Variants in TFAP2D observed in about 807,000 individuals in gnomAD.
The protein encoded by TFAP2D is transcription factor AP-2-delta.
A neutral mutation model predicts 43.6 loss-of-function variants in TFAP2D; 9 were observed. The ratio of observed to expected loss-of-function variants is 0.21; its 90% CI spans 0.12 to 0.36. TFAP2D has a LOEUF of 0.36. TFAP2D is among the 10% of genes least tolerant of loss of function. The probability of loss-of-function intolerance (pLI) is 1.00; values close to 1 mark genes in which losing one functional copy is unlikely to be tolerated. For missense variants in TFAP2D, 513 were observed against 561.4 expected, an observed-to-expected ratio of 0.91 and a Z score of 0.87; for synonymous variants, 256 against 224.9, an observed-to-expected ratio of 1.14 and a Z score of -1.24.
chr6:50,762,311 G>C (rs1769373968), intron 7 of TFAP2D, among the ~76,000 whole-genome samples: 1 of 152,060 alleles, frequency 6.6e-6, no homozygotes, highest in South Asian at 2.1e-4. Context: ...TGGTCAAGAA[G>C]AAGATGCCAT....
chr6:50,743,194 G>C (rs958007211), intron 5 of TFAP2D, among the ~76,000 whole-genome samples: 7 of 152,054 alleles, frequency 4.6e-5, no homozygotes, highest in Non-Finnish European at 1.0e-4. Context: ...ACGTGCCATT[G>C]CTCATGTGAA....
At chr6:50,719,189 T>C (rs1768675900) in intron 3 of TFAP2D, 39 bp downstream of exon 3, 1 of 1,590,552 alleles carries the variant, frequency 6.3e-7, no homozygotes, top group African/African-American at 1.3e-5. Flanking sequence ...CTAGACATTC[T>C]TCTCCTATCT....
chr6:50,730,812 G>C (rs1328855460), intron 5 of TFAP2D, among the ~76,000 whole-genome samples: 1 of 152,044 alleles, frequency 6.6e-6, no homozygotes, highest in Non-Finnish European at 1.5e-5. Flanking sequence ...AAGCTCCCCA[G>C]GTGATTCTGA....
intron 7 of TFAP2D, among the ~76,000 whole-genome samples, chr6:50,770,685 A>G (rs1769514885): frequency 6.6e-6 from 1 of 152,030 alleles, no homozygotes; most frequent in Non-Finnish European, 1.5e-5. Context: ...TAAACCCCAA[A>G]TCCTTCATTT....
chr6:50,715,356 T>C lies in TFAP2D; in HGVS notation c.280T>C (p.Ser94Pro). The C allele has an allele frequency of 6.2e-7, 1 of 1,613,984 alleles. No individual in the cohort carries two copies. The highest frequency in any genetic ancestry group is 1.3e-5 in the African/African-American group (1 of 74,978). Reference sequence around the variant, plus strand: ...CACCCCCGACGCCTACTCTCTGAACTCTCTCCACCACTCGCAACAGTACTA... The same window carrying C: ...CACCCCCGACGCCTACTCTCTGAACCCTCTCCACCACTCGCAACAGTACTA... ...AVTPDAYSLN[S>P]LHHSQQYYQQ... is the part of the protein sequence containing the mutation. Residue 94 changes from serine to proline, a missense_variant, in exon 2 of 8, where the codon TCT (serine) becomes CCT (proline). Around this residue, in one of 3 missense-constraint regions of TFAP2D, gnomAD observed 311 missense variants for 316.2 expected, o/e 0.98. Coordinates refer to ENST00000008391, the MANE Select transcript of TFAP2D (RefSeq NM_172238.4).
chr6:50,727,432 G>A (rs1039053801), intron 3 of TFAP2D, among the ~76,000 whole-genome samples: 1 of 152,188 alleles, frequency 6.6e-6, no homozygotes, highest in African/African-American at 2.4e-5. Context: ...ATATGTGCTA[G>A]TTAAGGGTAG....
chr6:50,732,924 G>C (rs1164441692), intron 5 of TFAP2D, among the ~76,000 whole-genome samples: 2 of 151,886 alleles, frequency 1.3e-5, no homozygotes, highest in African/African-American at 2.4e-5. Flanking sequence ...ATAGCTCCTA[G>C]CTTTGTTTTC....
intron 7 of TFAP2D, among the ~76,000 whole-genome samples, chr6:50,755,212 G>C (rs1182957518): frequency 6.6e-6 from 1 of 151,786 alleles, no homozygotes; most frequent in Non-Finnish European, 1.5e-5. Context: ...TACATGATTG[G>C]CATTTCCAAT....
At chr6:50,765,167 A>G (rs1413671366) in intron 7 of TFAP2D, among the ~76,000 whole-genome samples, 1 of 152,134 alleles carries the variant, frequency 6.6e-6, no homozygotes, top group Non-Finnish European at 1.5e-5. Context: ...CATATAAATG[A>G]CACCATACAG....
intron 3 of TFAP2D, among the ~76,000 whole-genome samples, chr6:50,720,817 A>G (rs1768710571): frequency 6.6e-6 from 1 of 152,152 alleles, no homozygotes; most frequent in Non-Finnish European, 1.5e-5. Context: ...AGCGCCACTA[A>G]TTAGGGACGG....
intron 7 of TFAP2D, among the ~76,000 whole-genome samples, chr6:50,769,260 G>A (rs1023312488): frequency 2.0e-5 from 3 of 152,126 alleles, no homozygotes; most frequent in Non-Finnish European, 2.9e-5. Flanking sequence ...CCATAAAGAT[G>A]TTATACTCTT....
Position 50,745,246 on chromosome 6 carries a change from C to T in TFAP2D, c.1023C>T (p.Thr341=), listed in dbSNP as rs1018915092. Residue 341 remains threonine, a splice_region_variant and synonymous_variant, in exon 6 of 8, where the codon ACC becomes ACT. Coordinates refer to ENST00000008391, the MANE Select transcript of TFAP2D (RefSeq NM_172238.4). The part of the protein sequence containing the change: ...QTARKKMILA[T]KQICKEFQDL... ...CAAGAAAAAAGATGATCCTGGCGACCAAGTAAGCAGAATGGGGAAACCTCT... is the reference window on the plus strand; with the variant it reads ...CAAGAAAAAAGATGATCCTGGCGACTAAGTAAGCAGAATGGGGAAACCTCT... 1.3e-5 allele frequency: 21 copies of T among 1,613,078 alleles called. No homozygotes were observed. The highest frequency in any genetic ancestry group is 1.8e-5 in the Non-Finnish European group (21 of 1,179,550).
chr6:50,735,630 T>C (rs1486709620), intron 5 of TFAP2D, among the ~76,000 whole-genome samples: 1 of 152,174 alleles, frequency 6.6e-6, no homozygotes, highest in Non-Finnish European at 1.5e-5. Flanking sequence ...AGTTATTAGT[T>C]ACAAGATTCC....
intron 5 of TFAP2D, among the ~76,000 whole-genome samples, chr6:50,738,908 A>G (rs536756738): frequency 2.6e-5 from 4 of 152,250 alleles, no homozygotes; most frequent in African/African-American, 9.6e-5. Context: ...TGTATAAGTC[A>G]TAGAATCCTT....
chr6:50,714,168 G>A, intron 1 of TFAP2D, 74 bp downstream of exon 1: 2 of 1,484,194 alleles, frequency 1.3e-6, no homozygotes, highest in Non-Finnish European at 9.2e-7. Context: ...CGGCGGTGGC[G>A]GCGGCGGTGG....
At chr6:50,724,338 G>A (rs193115201) in intron 3 of TFAP2D, among the ~76,000 whole-genome samples, 5 of 152,188 alleles carry the variant, frequency 3.3e-5, no homozygotes, top group African/African-American at 1.2e-4. Flanking sequence ...AATCCCTGCC[G>A]TTTGTATTTC....
intron 5 of TFAP2D, among the ~76,000 whole-genome samples, chr6:50,731,974 G>T (rs1049299215): frequency 6.6e-6 from 1 of 152,044 alleles, no homozygotes; most frequent in South Asian, 2.1e-4. Flanking sequence ...TCCAACATGG[G>T]TCTAATGTTT....
At chr6:50,745,873 G>A (rs955995057) in intron 6 of TFAP2D, among the ~76,000 whole-genome samples, 4 of 152,006 alleles carry the variant, frequency 2.6e-5, no homozygotes, top group South Asian at 2.1e-4. Context: ...TGAGGAAAAC[G>A]ATGTAGACAA....
At chr6:50,769,140 T>C (rs2206273) in intron 7 of TFAP2D, among the ~76,000 whole-genome samples, 46,123 of 151,766 alleles carry the variant, frequency 0.3, 7,109 homozygotes, top group East Asian at 0.41. Context: ...GTGGTCTACC[T>C]GCCTTGGCCT....
Sources: allele counts gnomAD v4.1 joint callset (sites outside exome capture counted in the v4.1 genomes callset), GRCh38; gene constraint gnomAD v4.1.1; regional missense constraint gnomAD v4.1.1; transcripts MANE v1.5; gene names NCBI Gene and HGNC (gene_info 2026-07-23, HGNC 2026-07-21).